Variants in EXT2 observed in about 807,000 individuals in gnomAD.
EXT2 encodes exostosin glycosyltransferase 2.
In EXT2, 53 loss-of-function variants were observed where a neutral mutation model predicts 81.6. That is an observed-to-expected ratio of 0.65 (90% confidence interval 0.52 to 0.82). EXT2 has a LOEUF of 0.82. EXT2 is among the 40% of genes least tolerant of loss of function. The pLI is 0.00. For missense variants in EXT2, 774 were observed against 910.2 expected, an observed-to-expected ratio of 0.85 and a Z score of 1.93; for synonymous variants, 320 against 340.0, an observed-to-expected ratio of 0.94 and a Z score of 0.65.
At chr11:44,160,034 A>G (rs1954908143) in intron 7 of EXT2, among the ~76,000 whole-genome samples, 1 of 152,180 alleles carries the variant, frequency 6.6e-6, no homozygotes, top group Non-Finnish European at 1.5e-5. Flanking sequence ...TATATTTCAG[A>G]ATGGTTACTT....
chr11:44,119,897 T>G (rs1323054779), intron 4 of EXT2, among the ~76,000 whole-genome samples: 1 of 152,230 alleles, frequency 6.6e-6, no homozygotes, highest in Non-Finnish European at 1.5e-5. Flanking sequence ...ACTGCTCAGC[T>G]GCTGTGGGCC....
chr11:44,114,044 C>A, intron 3 of EXT2, 141 bp from the exon 4 acceptor site: 1 of 780,674 alleles, frequency 1.3e-6, no homozygotes, highest in Non-Finnish European at 2.3e-6. Flanking sequence ...GTGTATAAGG[C>A]ATTGTCTTTA....
chr11:44,135,473 C>A (rs1246866969), intron 7 of EXT2, among the ~76,000 whole-genome samples: 1 of 150,720 alleles, frequency 6.6e-6, no homozygotes, highest in African/African-American at 2.5e-5. Flanking sequence ...CTCACTGCAA[C>A]CTCTGCCTCC....
chr11:44,128,741 G>T (rs909354193), intron 6 of EXT2, among the ~76,000 whole-genome samples: 1 of 152,186 alleles, frequency 6.6e-6, no homozygotes, highest in African/African-American at 2.4e-5. Flanking sequence ...GAAGGCCTAG[G>T]TTGAGATAAC....
rs1192115471 is a variant in EXT2 at position 44,119,169 on chromosome 11, T to TATATATATATATATAG, written c.743+4869_743+4870insTATATATATATATAGA. 9.5e-4 allele frequency among the ~76,000 whole-genome samples: 60 copies of TATATATATATATATAG among 63,140 alleles called. 2 individuals are homozygous for TATATATATATATATAG. The highest frequency in any genetic ancestry group is 1.2e-3 in the Non-Finnish European group (38 of 31,754). The allele number at this position is 63,140 out of a possible 152,430, so 41.4% of individuals were successfully genotyped here. A position where few individuals can be genotyped will look rare whatever the true frequency, so the allele number is the denominator to read the frequency against. On this transcript the variant is annotated intron_variant, in intron 4 of 13. Transcript: ENST00000533608. ...ATATATATATATATATATATATATA[T>TATATATATATATATAG]ACACATACACACACACACACACACA... is the stretch of plus-strand genomic sequence containing the variant.
intron 8 of EXT2, among the ~76,000 whole-genome samples, chr11:44,189,021 G>A (rs1955355669): frequency 6.6e-6 from 1 of 152,104 alleles, no homozygotes; most frequent in Non-Finnish European, 1.5e-5. Flanking sequence ...CAAAGAAAAA[G>A]CAAAGATCTT....
chr11:44,098,559 G>A (rs1953933827), intron 1 of EXT2, among the ~76,000 whole-genome samples: 1 of 152,024 alleles, frequency 6.6e-6, no homozygotes, highest in South Asian at 2.1e-4. Flanking sequence ...GCCGGGGATG[G>A]TGGTGGGCGC....
rs1442001179 is a variant in EXT2 at position 44,244,414 on chromosome 11, A to C, written c.*127A>C. 1 of 882,812 alleles carries C rather than the reference A, an allele frequency of 1.1e-6. No homozygotes were observed. The highest frequency in any genetic ancestry group is 1.8e-6 in the Non-Finnish European group (1 of 547,576). The allele number at this position is 882,812 out of a possible 1,614,324, so 54.7% of individuals were successfully genotyped here. On this transcript the variant is annotated 3_prime_UTR_variant, in exon 14 of 14. Coordinates refer to ENST00000533608, the MANE Select transcript of EXT2 (RefSeq NM_207122.2). ...TTGACCTACTTGGATCTTGGCATGC[A>C]CCCACCTAACCCACTTTCTCAAGAA... is the stretch of plus-strand genomic sequence containing the variant.
In EXT2 at chr11:44,129,795, G is replaced by A. The variant is rs536407105; in HGVS notation, c.1080-250G>A. 5.3e-5 allele frequency among the ~76,000 whole-genome samples: 8 copies of A among 152,326 alleles called. No individual in the cohort carries two copies. In the South Asian group the frequency reaches 8.3e-4, roughly 16 times the overall value. On this transcript the variant is annotated intron_variant, in intron 6 of 13. Coordinates refer to ENST00000533608, the MANE Select transcript of EXT2 (RefSeq NM_207122.2). The stretch of plus-strand genomic sequence containing the variant: ...CCAGTGTGGCTAGAGCACACTAGTG[G>A]AGTGGAGGCAGGGTGAAAGATTAAT...
At chr11:44,197,766 A>C in intron 8 of EXT2, 63 bp from the exon 9 acceptor site, 1 of 1,567,506 alleles carries the variant, frequency 6.4e-7, no homozygotes. Context: ...TTTGCTGACG[A>C]TATTGGGTCA....
chr11:44,233,027 A>G (rs975461846), intron 11 of EXT2, among the ~76,000 whole-genome samples: 1 of 152,156 alleles, frequency 6.6e-6, no homozygotes, highest in Non-Finnish European at 1.5e-5. Flanking sequence ...ATAGATGTCC[A>G]TTTTCATAAC....
chr11:44,231,919 T>C (rs1255639108), intron 10 of EXT2, among the ~76,000 whole-genome samples: 2 of 152,156 alleles, frequency 1.3e-5, no homozygotes, highest in Non-Finnish European at 2.9e-5. Context: ...AATAGATGCT[T>C]TTTTTTAATA....
intron 7 of EXT2, among the ~76,000 whole-genome samples, chr11:44,139,042 C>G (rs924363919): frequency 1.3e-5 from 2 of 151,438 alleles, no homozygotes; most frequent in South Asian, 2.1e-4. Context: ...CTTGGAAACT[C>G]GAAAGAGAAT....
chr11:44,107,940 C>T lies in EXT2; in HGVS notation c.228C>T (p.Pro76=). The change falls in exon 2 of 14, where the codon CCC becomes CCT. Residue 76 remains proline (P), a synonymous_variant. Transcript: ENST00000533608. ...TTGTTAGGCTGCCAGCCGACAGTCC[C>T]ATCCCAGAGCGGGGGGATCTCAGTT... ...VPVVRLPADS[P]IPERGDLSCR... is the part of the protein sequence containing the mutation. The T allele has an allele frequency of 6.2e-7, 1 of 1,614,240 alleles. No homozygotes were observed. The highest frequency in any genetic ancestry group is 2.2e-5 in the East Asian group (1 of 44,874).
intron 8 of EXT2, among the ~76,000 whole-genome samples, chr11:44,188,126 C>T (rs1955341915): frequency 6.6e-6 from 1 of 152,180 alleles, no homozygotes; most frequent in Non-Finnish European, 1.5e-5. Context: ...CAATTTTAAC[C>T]TATTGCTGAG....
At chr11:44,124,324 C>T (rs935227895) in intron 4 of EXT2, among the ~76,000 whole-genome samples, 1 of 152,096 alleles carries the variant, frequency 6.6e-6, no homozygotes, top group Non-Finnish European at 1.5e-5. Flanking sequence ...TGCTTCCCAT[C>T]AAGCTTCCCT....
intron 1 of EXT2, among the ~76,000 whole-genome samples, chr11:44,097,309 A>G (rs1953912742): frequency 6.6e-6 from 1 of 152,254 alleles, no homozygotes; most frequent in Non-Finnish European, 1.5e-5. Flanking sequence ...TTTTTAATTG[A>G]AAATAATTTT....
chr11:44,123,229 G>A (rs937102364), intron 4 of EXT2, among the ~76,000 whole-genome samples: 13 of 152,116 alleles, frequency 8.5e-5, no homozygotes, highest in South Asian at 4.2e-4. Flanking sequence ...GATGCTCCCC[G>A]GCTAGAACTT....
intron 8 of EXT2, 79 bp downstream of exon 8, chr11:44,171,821 G>T: frequency 6.3e-7 from 1 of 1,586,668 alleles, no homozygotes; most frequent in South Asian, 1.1e-5. Context: ...TACTACAATT[G>T]TAAAGGTTAT....
Sources: gnomAD v4.1 joint callset for allele counts (sites outside exome capture counted in the v4.1 genomes callset) on GRCh38, gnomAD v4.1.1 for gene constraint, MANE v1.5 for transcripts, NCBI Gene and HGNC (gene_info 2026-07-23, HGNC 2026-07-21) for gene names.